PHF19: variants seen among roughly 807,000 people sequenced by gnomAD.
PHF19 encodes PHD finger protein 19.
In PHF19, 21 loss-of-function variants were observed where a neutral mutation model predicts 79.8. That is an observed-to-expected ratio of 0.26 (90% CI 0.19 to 0.38). The LOEUF (loss-of-function observed/expected upper bound fraction) is 0.38, where lower values mean the gene tolerates loss of function less well. Among genes scored for constraint, PHF19 ranks in the 10% least tolerant of loss-of-function variants. The probability of loss-of-function intolerance (pLI) is 1.00; values close to 1 mark genes in which losing one functional copy is unlikely to be tolerated. For missense variants in PHF19, 445 were observed against 744.2 expected (o/e 0.60, Z 4.68); for synonymous variants, 273 against 296.3 (o/e 0.92, Z 0.81).
intron 1 of PHF19, among the ~76,000 whole-genome samples, chr9:120,889,182 C>T (rs2046306740): frequency 6.6e-6 from 1 of 152,146 alleles, no homozygotes; most frequent in Non-Finnish European, 1.5e-5. Flanking sequence ...AATCCCAGCA[C>T]TTTAGGAGGC....
Position 120,857,902 on chromosome 9 carries a change from C to T in PHF19, c.*42G>A, listed in dbSNP as rs1354120116. The T allele has an allele frequency of 8.1e-7, 1 of 1,231,572 alleles. No individual in the cohort carries two copies. The highest frequency in any genetic ancestry group is 1.1e-6 in the Non-Finnish European group (1 of 872,134). The allele number at this position is 1,231,572 out of a possible 1,614,324, so 76.3% of individuals were successfully genotyped here. A position where few individuals can be genotyped will look rare whatever the true frequency, so the allele number is the denominator to read the frequency against. On this transcript the variant is annotated 3_prime_UTR_variant, in exon 15 of 15. Coordinates refer to ENST00000373896, the MANE Select transcript of PHF19 (RefSeq NM_015651.3). The stretch of plus-strand genomic sequence containing the variant: ...TGGGGAGCCTATGGCTTCTGCTGCT[C>T]CTCCTTTGGTTTTCAGGACCCCTGG...
chr9:120,894,845 G>T, exon 1 of PHF19: 1 of 1,219,466 alleles, frequency 8.2e-7, no homozygotes, highest in Non-Finnish European at 1.0e-6. Context: ...AGGGCACGTA[G>T]GAGGCATCCG....
At chr9:120,863,001 TG>T (rs944875330) in intron 10 of PHF19, 7 of 474,592 alleles carry the variant, frequency 1.5e-5, no homozygotes, top group African/African-American at 3.9e-5. Flanking sequence ...TTCTCCCTTT[TG>T]TTTGCCTCAA....
chr9:120,899,902 T>C, the PHF19 span, among the ~76,000 whole-genome samples: 2 of 152,334 alleles, frequency 1.3e-5, no homozygotes, highest in African/African-American at 4.8e-5. Context: ...TTTCTCCATC[T>C]AAAAACAGTT....
chr9:120,856,667 G>A lies in PHF19; in HGVS notation c.*1277C>T, dbSNP rs1273076028. On this transcript the variant is annotated 3_prime_UTR_variant, in exon 15 of 15. Transcript: ENST00000373896. ...AAAAATTCTCTTTCAAACCCCCACT[G>A]GCAAGGGCTTCCCTTTGAGGGAACC... 6 of 152,718 alleles carry A rather than the reference G, an allele frequency of 3.9e-5. No homozygotes were observed. In the East Asian group the frequency reaches 1.2e-3, roughly 29 times the overall value. The allele number at this position is 152,718 out of a possible 1,614,324, so 9.5% of individuals were successfully genotyped here.
At chr9:120,877,618 C>T (rs1407908916), upstream of PHF19, among the ~76,000 whole-genome samples, 2 of 152,184 alleles carry the variant, frequency 1.3e-5, no homozygotes, top group African/African-American at 2.4e-5. Context: ...ACCGGCGGAC[C>T]CTGGCACAGA....
At chr9:120,879,653 C>T (rs530920118), upstream of PHF19, among the ~76,000 whole-genome samples, 2 of 152,230 alleles carry the variant, frequency 1.3e-5, no homozygotes, top group African/African-American at 4.8e-5. Context: ...ATAAATGCCA[C>T]AAGAAAGGTA....
Position 120,860,899 on chromosome 9 carries a change from GGGAGGGC to G in PHF19, c.1304+183_1304+189del. On this transcript the variant is annotated intron_variant, in intron 13 of 14. Transcript: ENST00000373896. This position sits in a 1 kb window ranked among gnomAD's most constrained non-coding sequence, Gnocchi z 4.1. ...GTGTGGATAACCATGGGGCAAGGTG[GGGAGGGC>G]TGGAGAAGAGGGGAGGGCTGTGGTG... 1.8e-6 allele frequency: 1 copy of G among 567,234 alleles called. No homozygotes were observed. The highest frequency in any genetic ancestry group is 3.2e-6 in the Non-Finnish European group (1 of 311,374). 35.1% of individuals were successfully genotyped at this position (567,234 alleles called of 1,614,324 possible). A position where few individuals can be genotyped will look rare whatever the true frequency, so the allele number is the denominator to read the frequency against.
chr9:120,893,561 C>T (rs2046368405), intron 1 of PHF19, among the ~76,000 whole-genome samples: 1 of 152,262 alleles, frequency 6.6e-6, no homozygotes, highest in Non-Finnish European at 1.5e-5. Flanking sequence ...CCAGCCCTGA[C>T]TGATCCCTCT....
At position 120,862,782 on chromosome 9, in the gene PHF19, G is replaced by A. The variant is rs1401298609; in HGVS notation, c.969-33C>T. On this transcript the variant is annotated intron_variant, in intron 10 of 14. Coordinates refer to ENST00000373896, the MANE Select transcript of PHF19 (RefSeq NM_015651.3). This position sits in a 1 kb window ranked among gnomAD's most constrained non-coding sequence, Gnocchi z 4.6. ...TGGGCAGTGGGAGGAAGAAGCTCTG[G>A]AGTCTGTCAGTCCATCCTCCTGGGG... is the stretch of plus-strand genomic sequence containing the variant. 6.2e-7 allele frequency: 1 copy of A among 1,608,260 alleles called. No homozygotes were observed.
chr9:120,891,523 G>A lies in PHF19; in HGVS notation c.42+3265C>T, dbSNP rs190089707. ...AAGAGTGTGGGTTGAAAAGCTCCCC[G>A]GGTGGTTCAAGGTGCAGCCCAGGTG... On this transcript the variant is annotated intron_variant, in intron 1 of 14. Coordinates refer to the PHF19 transcript ENST00000616568. The surrounding 1 kb of genome is among the most constrained non-coding windows in gnomAD (Gnocchi z 4.3). Among the ~76,000 whole-genome samples the A allele has an allele frequency of 8.5e-5, 13 of 152,222 alleles. No individual in the cohort carries two copies. In the East Asian group the frequency reaches 2.3e-3, roughly 27 times the overall value.
chr9:120,867,489 CA>C (rs2045739661), intron 6 of PHF19, among the ~76,000 whole-genome samples: 2 of 152,232 alleles, frequency 1.3e-5, no homozygotes, highest in Non-Finnish European at 2.9e-5. Flanking sequence ...ATATGAAGAG[CA>C]AAATGCTCAA....
chr9:120,860,439 C>A lies in PHF19; in HGVS notation c.1305-254G>T. On this transcript the variant is annotated intron_variant, in intron 13 of 14. Transcript: ENST00000373896. This position sits in a 1 kb window ranked among gnomAD's most constrained non-coding sequence, Gnocchi z 4.1. The stretch of plus-strand genomic sequence containing the variant: ...TGGTGTCAATAACTCGAGCGTGATC[C>A]AAGGCACCTGTGCAACACTTCACAG... The A allele has an allele frequency of 2.1e-6, 1 of 475,060 alleles. No homozygotes were observed. The highest frequency in any genetic ancestry group is 3.9e-6 in the Non-Finnish European group (1 of 257,026). 29.4% of individuals were successfully genotyped at this position (475,060 alleles called of 1,614,324 possible). A position where few individuals can be genotyped will look rare whatever the true frequency, so the allele number is the denominator to read the frequency against.
At chr9:120,885,046 C>T (rs898248408) in intron 1 of PHF19, among the ~76,000 whole-genome samples, 2 of 152,134 alleles carry the variant, frequency 1.3e-5, no homozygotes, top group Non-Finnish European at 2.9e-5. Flanking sequence ...ATAGCAAGAC[C>T]ACATCTCTAA....
At chr9:120,892,643 T>C (rs964028523) in intron 1 of PHF19, among the ~76,000 whole-genome samples, 1 of 152,192 alleles carries the variant, frequency 6.6e-6, no homozygotes. Context: ...TCCACACTTG[T>C]ATACCTGTCA....
At position 120,866,893 on chromosome 9, in the gene PHF19, A is replaced by G. The variant is rs756576199; in HGVS notation, c.687T>C (p.Asn229=). 1.9e-6 allele frequency: 3 copies of G among 1,608,668 alleles called. No homozygotes were observed. Among genetic ancestry groups the G allele is most frequent in the Admixed American group, 3.3e-5 (2 of 59,992 alleles). Residue 229 remains asparagine (N), a synonymous_variant, in exon 7 of 15, where the codon AAT becomes AAC. Coordinates refer to ENST00000373896, the MANE Select transcript of PHF19 (RefSeq NM_015651.3). The surrounding 1 kb of genome is among the most constrained non-coding windows in gnomAD (Gnocchi z 5.2). ...ACCGGTCTCCAAACATCATGGGCTC[A>G]TTGAGGCACTGGGTGCAGGCCTCGT... ...WFHEACTQCL[N]EPMMFGDRFY...
Position 120,891,429 on chromosome 9 carries a change from C to CTGA in PHF19, c.42+3356_42+3358dup, listed in dbSNP as rs1468069607. Among the ~76,000 whole-genome samples, 1 of 152,200 alleles carries CTGA rather than the reference C, an allele frequency of 6.6e-6. No individual in the cohort carries two copies. The highest frequency in any genetic ancestry group is 1.9e-4 in the East Asian group (1 of 5,200). On this transcript the variant is annotated intron_variant, in intron 1 of 14. Transcript: ENST00000616568. This position sits in a 1 kb window ranked among gnomAD's most constrained non-coding sequence, Gnocchi z 4.3. ...GGATCACCCCGGGAACCTTAACATG[C>CTGA]TGATGCCTGTGTTCTTATCTTCAGA... is the stretch of plus-strand genomic sequence containing the variant.
rs1464972359 is a variant in PHF19, at chr9:120,869,163, C to G, written c.614+19G>C. 2 of 1,596,620 alleles carry G rather than the reference C, an allele frequency of 1.3e-6. No homozygotes were observed. Among genetic ancestry groups the G allele is most frequent in the African/African-American group, 1.3e-5 (1 of 74,586 alleles). ...GAGACCTGCCCTGCCGCCCGGGGGG[C>G]CCTGACCCCCTGCCTTACTCTCCGG... is the stretch of plus-strand genomic sequence containing the variant. On this transcript the variant is annotated intron_variant, in intron 6 of 14. Transcript: ENST00000373896. This position sits in a 1 kb window ranked among gnomAD's most constrained non-coding sequence, Gnocchi z 5.8.
upstream of PHF19, among the ~76,000 whole-genome samples, chr9:120,896,215 A>G (rs1439347532): frequency 6.6e-6 from 1 of 152,186 alleles, no homozygotes; most frequent in African/African-American, 2.4e-5. Context: ...ACCTTGATAA[A>G]TAATAACACT....
Sources: allele counts gnomAD v4.1 joint callset (sites outside exome capture counted in the v4.1 genomes callset), GRCh38; gene constraint gnomAD v4.1.1; non-coding constraint Gnocchi (gnomAD v3.1); transcripts MANE v1.5; gene names NCBI Gene and HGNC (gene_info 2026-07-23, HGNC 2026-07-21).